PCDH15: variants seen among roughly 807,000 people sequenced by gnomAD.
The protein encoded by PCDH15 is protocadherin-15.
PCDH15 carries 129 observed loss-of-function variants against 178.5 expected under a neutral mutation model. The observed-to-expected ratio is 0.72, with a 90% CI of 0.63 to 0.84. The LOEUF (loss-of-function observed/expected upper bound fraction) is 0.84. PCDH15 is among the 40% of genes least tolerant of loss of function. The probability of loss-of-function intolerance (pLI) is 0.00; values close to 1 mark genes in which losing one functional copy is unlikely to be tolerated. For synonymous variants in PCDH15, 800 were observed against 732.0 expected (o/e 1.09, Z -1.50); for missense variants, 2,230 against 2,099.9 (o/e 1.06, Z -1.21).
rs1404623855 is a variant in PCDH15, at chr10:53,940,904, T to G, written c.3194A>C (p.Gln1065Pro). The change falls in exon 24 of 38, where the codon CAA (glutamine) becomes CCA (proline). Residue 1065 changes from glutamine (Q) to proline (P), a missense_variant. Coordinates refer to ENST00000644397, the MANE Select transcript of PCDH15 (RefSeq NM_001384140.1). ...TGAAACAATGGAGTACACAATACTT[T>G]GATTAATGGCAGCAGCAGAAATTAC... ...VGVISAAAINQSIVYSIVSGN... is the reference protein window; with the variant it reads ...VGVISAAAINPSIVYSIVSGN... 1 of 1,613,624 alleles carries G rather than the reference T, an allele frequency of 6.2e-7. No homozygotes were observed. The highest frequency in any genetic ancestry group is 8.5e-7 in the Non-Finnish European group (1 of 1,179,668).
rs1458138433 is a variant in PCDH15 at position 54,492,698 on chromosome 10, T to G, written c.157+35114A>C. On this transcript the variant is annotated intron_variant, in intron 3 of 37. Coordinates refer to ENST00000644397, the MANE Select transcript of PCDH15 (RefSeq NM_001384140.1). ...AGGATGAGTACAGTACTATAAGGTA[T>G]TTTAAGAGACAGACTACATTCACAT... Among the ~76,000 whole-genome samples the G allele has an allele frequency of 5.3e-5, 8 of 152,184 alleles. No individual in the cohort carries two copies. In the East Asian group the frequency reaches 1.5e-3, roughly 29 times the overall value.
intron 2 of PCDH15, among the ~76,000 whole-genome samples, chr10:55,364,926 A>C (rs1407881427): frequency 6.6e-6 from 1 of 152,058 alleles, no homozygotes; most frequent in East Asian, 1.9e-4. Flanking sequence ...GTCAATTATA[A>C]ATTTTTTGTC....
At chr10:55,602,789 A>G (rs1171627531) in intron 2 of PCDH15, among the ~76,000 whole-genome samples, 1 of 152,212 alleles carries the variant, frequency 6.6e-6, no homozygotes, top group Non-Finnish European at 1.5e-5. Flanking sequence ...AGATGGGGAA[A>G]AAACAGAACA....
At chr10:54,282,076 G>T (rs565924387) in intron 8 of PCDH15, among the ~76,000 whole-genome samples, 3 of 152,148 alleles carry the variant, frequency 2.0e-5, no homozygotes, top group African/African-American at 4.8e-5. Flanking sequence ...CTAAGTCCAG[G>T]CTTCAAGAAC....
intron 1 of PCDH15, among the ~76,000 whole-genome samples, chr10:54,702,516 G>C (rs2095319176): frequency 8.7e-6 from 1 of 114,604 alleles, no homozygotes; most frequent in African/African-American, 3.3e-5. Flanking sequence ...TGACAAAGGG[G>C]ACATTACTTC....
At chr10:54,165,447 A>C (rs2046122816) in intron 13 of PCDH15, among the ~76,000 whole-genome samples, 1 of 152,180 alleles carries the variant, frequency 6.6e-6, no homozygotes. Context: ...CAAGAAGATG[A>C]CTTTAAAGCA....
intron 2 of PCDH15, among the ~76,000 whole-genome samples, chr10:55,501,540 C>A (rs1840657327): frequency 6.6e-6 from 1 of 151,266 alleles, no homozygotes; most frequent in Admixed American, 6.6e-5. Flanking sequence ...AAATGCAAGC[C>A]AAGAAATGAG....
intron 2 of PCDH15, among the ~76,000 whole-genome samples, chr10:55,420,642 C>T (rs903866608): frequency 7.3e-5 from 11 of 151,470 alleles, no homozygotes; most frequent in African/African-American, 2.7e-4. Flanking sequence ...AAAGGTCCAC[C>T]GATTAACATA....
chr10:55,205,940 A>G (rs1363766278), intron 1 of PCDH15, among the ~76,000 whole-genome samples: 1 of 152,052 alleles, frequency 6.6e-6, no homozygotes, highest in Non-Finnish European at 1.5e-5. Context: ...GAGCTTATGC[A>G]GAGACCCCTG....
chr10:55,470,694 T>G (rs1471193103), intron 2 of PCDH15, among the ~76,000 whole-genome samples: 1 of 152,064 alleles, frequency 6.6e-6, no homozygotes, highest in Non-Finnish European at 1.5e-5. Context: ...TACATTAGAG[T>G]TGACTCTTGC....
At chr10:54,766,876 G>C (rs1470906083) in intron 1 of PCDH15, among the ~76,000 whole-genome samples, 1 of 151,898 alleles carries the variant, frequency 6.6e-6, no homozygotes, top group Non-Finnish European at 1.5e-5. Context: ...CTTGCAGTGA[G>C]CCGAGATAGC....
At chr10:55,530,602 CA>C (rs1841429474) in intron 2 of PCDH15, among the ~76,000 whole-genome samples, 1 of 151,884 alleles carries the variant, frequency 6.6e-6, no homozygotes, top group South Asian at 2.1e-4. Context: ...AAAGTAACAA[CA>C]TAAGTCCCTG....
intron 11 of PCDH15, among the ~76,000 whole-genome samples, chr10:54,192,874 C>G (rs772384989): frequency 6.6e-6 from 1 of 152,088 alleles, no homozygotes; most frequent in Non-Finnish European, 1.5e-5. Flanking sequence ...AATTTTCTCT[C>G]CATGCCCTTT....
intron 25 of PCDH15, among the ~76,000 whole-genome samples, chr10:53,927,161 T>TGG (rs1456723060): frequency 1.3e-5 from 2 of 151,814 alleles, no homozygotes; most frequent in African/African-American, 4.8e-5. Context: ...TGTGTGTGTG[T>TGG]GTGTGTGTGT....
At chr10:54,172,665 G>A (rs902380135) in intron 13 of PCDH15, among the ~76,000 whole-genome samples, 2 of 152,054 alleles carry the variant, frequency 1.3e-5, no homozygotes, top group Non-Finnish European at 2.9e-5. Context: ...TTCTTCTAGA[G>A]CAATATCATA....
rs768775289 is a variant in PCDH15 at position 53,940,902 on chromosome 10, T to G, written c.3196A>C (p.Ser1066Arg). Residue 1066 changes from serine (S) to arginine (R), a missense_variant, in exon 24 of 38, where the codon AGT becomes CGT. By Grantham distance (110) the Ser-to-Arg change is moderately radical. Coordinates refer to ENST00000644397, the MANE Select transcript of PCDH15 (RefSeq NM_001384140.1). ...CCTGAAACAATGGAGTACACAATAC[T>G]TTGATTAATGGCAGCAGCAGAAATT... ...GVISAAAINQ[S>R]IVYSIVSGNE... The G allele has an allele frequency of 6.2e-7, 1 of 1,613,686 alleles. No individual in the cohort carries two copies. The highest frequency in any genetic ancestry group is 1.1e-5 in the South Asian group (1 of 91,082).
chr10:54,048,169 C>A (rs1280588327), intron 18 of PCDH15, among the ~76,000 whole-genome samples: 1 of 152,046 alleles, frequency 6.6e-6, no homozygotes, highest in Non-Finnish European at 1.5e-5. Flanking sequence ...TGATGTGGAT[C>A]ATTTTTTCAT....
At chr10:54,247,117 G>T (rs1165319158) in intron 8 of PCDH15, among the ~76,000 whole-genome samples, 4 of 151,850 alleles carry the variant, frequency 2.6e-5, no homozygotes, top group Non-Finnish European at 4.4e-5. Context: ...TCTTGTCAAA[G>T]AAAAGTTTCT....
chr10:54,022,826 C>T, intron 19 of PCDH15, 66 bp downstream of exon 19: 1 of 1,544,320 alleles, frequency 6.5e-7, no homozygotes, highest in Non-Finnish European at 8.9e-7. Flanking sequence ...CTAATTTTGG[C>T]ACACAAACCC....
Sources: gnomAD v4.1 joint callset for allele counts (sites outside exome capture counted in the v4.1 genomes callset) on GRCh38, gnomAD v4.1.1 for gene constraint, MANE v1.5 for transcripts, NCBI Gene and HGNC (gene_info 2026-07-23, HGNC 2026-07-21) for gene names.